ZC3H12B: variants seen among roughly 807,000 people sequenced by gnomAD.
ZC3H12B encodes zinc finger CCCH-type containing 12B.
In ZC3H12B, 7 loss-of-function variants were observed where a neutral mutation model predicts 43.9. The observed-to-expected ratio is 0.16, with a 90% CI of 0.09 to 0.30. ZC3H12B has a LOEUF of 0.30. Ranked by LOEUF, ZC3H12B falls within the 10% of genes least tolerant of loss-of-function variation. ZC3H12B has a pLI of 1.00. For synonymous variants in ZC3H12B, 222 were observed against 241.7 expected (o/e 0.92, Z 0.76); for missense variants, 475 against 670.2 (o/e 0.71, Z 3.22).
chrX:65,150,942 C>T, the ZC3H12B span, among the ~76,000 whole-genome samples: 8 of 111,424 alleles, frequency 7.2e-5, no homozygotes, highest in East Asian at 2.0e-3. Flanking sequence ...GCACACAATC[C>T]CATTTTATTA....
chrX:65,347,875 G>A, the ZC3H12B span, among the ~76,000 whole-genome samples: 1 of 112,396 alleles, frequency 8.9e-6, no homozygotes, highest in Non-Finnish European at 1.9e-5. Context: ...AGAAAATGTG[G>A]CACATGTACA....
At chrX:65,101,215 G>T in the ZC3H12B span, among the ~76,000 whole-genome samples, 1 of 111,876 alleles carries the variant, frequency 8.9e-6, no homozygotes. Flanking sequence ...AAGATACAAT[G>T]TACCAGAATC....
At chrX:65,250,560 A>G in the ZC3H12B span, among the ~76,000 whole-genome samples, 2 of 112,020 alleles carry the variant, frequency 1.8e-5, no homozygotes, top group Non-Finnish European at 3.8e-5. Flanking sequence ...CCAATGGCAT[A>G]AAAGTGTTCC....
chrX:65,177,372 C>T, the ZC3H12B span, among the ~76,000 whole-genome samples: 1 of 111,829 alleles, frequency 8.9e-6, no homozygotes, highest in South Asian at 3.7e-4. Context: ...AGGCAAAAGA[C>T]AAGTGTACCA....
At chrX:65,099,701 A>C in the ZC3H12B span, among the ~76,000 whole-genome samples, 13,822 of 110,458 alleles carry the variant, frequency 0.13, 1,908 homozygotes, top group African/African-American at 0.4. Context: ...AGGACCCCCC[A>C]CACACACACA....
chrX:65,086,218 A>G, the ZC3H12B span, among the ~76,000 whole-genome samples: 13 of 111,056 alleles, frequency 1.2e-4, no homozygotes, highest in Non-Finnish European at 2.5e-4. Context: ...ATTTATTTTT[A>G]TCTATAAATA....
chrX:65,363,776 T>A (rs781756161), upstream of ZC3H12B, among the ~76,000 whole-genome samples: 2 of 112,236 alleles, frequency 1.8e-5, no homozygotes, highest in Non-Finnish European at 3.8e-5. Flanking sequence ...CCCGCCCTAA[T>A]ACTTTTGGAG....
chrX:65,383,498 C>G (rs756137011), intron 2 of ZC3H12B, among the ~76,000 whole-genome samples: 3 of 111,841 alleles, frequency 2.7e-5, no homozygotes, highest in Non-Finnish European at 5.6e-5. Context: ...ACCATAAAAA[C>G]CCTAGAAGTA....
chrX:65,090,710 C>A, the ZC3H12B span, among the ~76,000 whole-genome samples: 2 of 111,065 alleles, frequency 1.8e-5, no homozygotes, highest in Admixed American at 1.9e-4. Context: ...GGGAGATTTT[C>A]CTTAGACAAT....
chrX:65,135,506 A>T, the ZC3H12B span, among the ~76,000 whole-genome samples: 1 of 108,382 alleles, frequency 9.2e-6, no homozygotes, highest in Admixed American at 9.9e-5. Flanking sequence ...CACATGTTTA[A>T]TTATAATATA....
chrX:65,080,552 T>C, the ZC3H12B span, among the ~76,000 whole-genome samples: 1 of 110,844 alleles, frequency 9.0e-6, no homozygotes, highest in South Asian at 3.8e-4. Flanking sequence ...GTGGAAACCT[T>C]ACAGGCCAGG....
chrX:65,100,119 G>A, the ZC3H12B span, among the ~76,000 whole-genome samples: 1 of 111,614 alleles, frequency 9.0e-6, no homozygotes, highest in African/African-American at 3.3e-5. Context: ...AATTGATGAA[G>A]TGGAAGAAAG....
intron 1 of ZC3H12B, among the ~76,000 whole-genome samples, chrX:65,491,262 G>A (rs1441730530): frequency 8.9e-6 from 1 of 111,802 alleles, no homozygotes; most frequent in Non-Finnish European, 1.9e-5. Context: ...AACTAATTTG[G>A]TTCATCTTTG....
chrX:65,164,370 T>A, the ZC3H12B span, among the ~76,000 whole-genome samples: 1 of 111,334 alleles, frequency 9.0e-6, no homozygotes, highest in Non-Finnish European at 1.9e-5. Context: ...GAATGCAAGA[T>A]CTGAAAAATA....
the ZC3H12B span, among the ~76,000 whole-genome samples, chrX:65,239,450 G>GCAAAATAACTCAAA: frequency 9.6e-6 from 1 of 104,380 alleles, no homozygotes; most frequent in African/African-American, 3.5e-5. Context: ...CCTTTATTTT[G>GCAAAATAACTCAAA]AGTTTATTTG....
chrX:65,325,573 C>T, the ZC3H12B span, among the ~76,000 whole-genome samples: 1 of 110,289 alleles, frequency 9.1e-6, no homozygotes, highest in Non-Finnish European at 1.9e-5. Flanking sequence ...ATAATGAAAA[C>T]TATAAAAACA....
intron 3 of ZC3H12B, among the ~76,000 whole-genome samples, chrX:65,474,370 A>G (rs2067965160): frequency 9.1e-6 from 1 of 110,066 alleles, no homozygotes. Flanking sequence ...ATCTAAAGTG[A>G]CTCTCATTGA....
At chrX:65,217,066 A>G in the ZC3H12B span, among the ~76,000 whole-genome samples, 1 of 108,557 alleles carries the variant, frequency 9.2e-6, no homozygotes, top group East Asian at 2.8e-4. Flanking sequence ...GAGTGCTTTT[A>G]TTGCTTCTCC....
chrX:65,203,295 A>G, the ZC3H12B span, among the ~76,000 whole-genome samples: 1 of 111,879 alleles, frequency 8.9e-6, no homozygotes, highest in Non-Finnish European at 1.9e-5. Flanking sequence ...CTAAAGCAGA[A>G]GGAGTCTCTT....
Sources: gnomAD v4.1 joint callset for allele counts (sites outside exome capture counted in the v4.1 genomes callset) on GRCh38, gnomAD v4.1.1 for gene constraint, MANE v1.5 for transcripts, NCBI Gene and HGNC (gene_info 2026-07-23, HGNC 2026-07-21) for gene names.